The following NFASC variants were observed in gnomAD, a reference collection of about 807,000 sequenced individuals.
The protein encoded by NFASC is neurofascin homolog.
NFASC carries 43 observed loss-of-function variants against 147.5 expected under a neutral mutation model. The ratio of observed to expected loss-of-function variants is 0.29; its 90% CI spans 0.23 to 0.38. NFASC has a LOEUF of 0.38. Ranked by LOEUF, NFASC falls within the 10% of genes least tolerant of loss-of-function variation. The pLI is 1.00. For missense variants in NFASC, 1,320 were observed against 1,689.0 expected (o/e 0.78, Z 3.83); for synonymous variants, 622 against 665.5 (o/e 0.93, Z 1.01).
intron 21 of NFASC, among the ~76,000 whole-genome samples, chr1:204,984,774 C>T (rs138199396): frequency 6.6e-6 from 1 of 152,130 alleles, no homozygotes; most frequent in Non-Finnish European, 1.5e-5. Context: ...TATCATCCAT[C>T]CTCTTCAAAA....
intron 1 of NFASC, among the ~76,000 whole-genome samples, chr1:204,911,132 G>T (rs1042468994): frequency 6.6e-6 from 1 of 151,730 alleles, no homozygotes; most frequent in African/African-American, 2.4e-5. Context: ...CTTTTTCTGG[G>T]TTTTAAAAAA....
chr1:204,890,086 T>C (rs770930471), intron 1 of NFASC, among the ~76,000 whole-genome samples: 2 of 152,208 alleles, frequency 1.3e-5, no homozygotes, highest in Non-Finnish European at 2.9e-5. Flanking sequence ...TGCCATCTGC[T>C]TAGGGTGAGG....
In NFASC at chr1:204,976,759, G is replaced by C; in HGVS notation, c.1795G>C (p.Asp599His). The change falls in exon 16 of 30, where the codon GAC becomes CAC. Residue 599 changes from aspartate (D) to histidine (H), a missense_variant. Physicochemically the swap from Asp to His is moderately conservative, Grantham distance 81. Transcript: ENST00000339876. ...SYTCVASTELDQDLAKAYLTV... is the reference protein window; with the variant it reads ...SYTCVASTELHQDLAKAYLTV... Reference sequence around the variant, plus strand: ...CACGTGTGTCGCCAGCACCGAGCTAGACCAAGACCTGGCCAAGGCCTACCT... The same window carrying C: ...CACGTGTGTCGCCAGCACCGAGCTACACCAAGACCTGGCCAAGGCCTACCT... 1 of 1,614,076 alleles carries C rather than the reference G, an allele frequency of 6.2e-7. No individual in the cohort carries two copies. Among genetic ancestry groups the C allele is most frequent in the South Asian group, 1.1e-5 (1 of 91,064 alleles).
intron 1 of NFASC, among the ~76,000 whole-genome samples, chr1:204,878,405 C>T (rs1476198917): frequency 6.6e-6 from 1 of 152,216 alleles, no homozygotes. Flanking sequence ...ATTACTTTTG[C>T]ACTAACTTAA....
At chr1:204,919,751 C>G (rs898110146) in intron 1 of NFASC, among the ~76,000 whole-genome samples, 15 of 152,100 alleles carry the variant, frequency 9.9e-5, no homozygotes, top group Admixed American at 6.5e-4. Context: ...GCCTCAGCCT[C>G]CCGACTAGCT....
At chr1:204,982,516 C>T (rs1366155385) in intron 21 of NFASC, among the ~76,000 whole-genome samples, 1 of 152,216 alleles carries the variant, frequency 6.6e-6, no homozygotes, top group Non-Finnish European at 1.5e-5. Context: ...TCCTCAGCAA[C>T]CAGACAGGAG....
chr1:204,963,544 C>T (rs1465225081), intron 8 of NFASC, among the ~76,000 whole-genome samples: 1 of 152,212 alleles, frequency 6.6e-6, no homozygotes, highest in African/African-American at 2.4e-5. Context: ...ATTCCAGTCA[C>T]TTAAACCAGT....
chr1:204,978,034 T>C (rs557699623), intron 17 of NFASC, among the ~76,000 whole-genome samples: 1 of 152,352 alleles, frequency 6.6e-6, no homozygotes, highest in South Asian at 2.1e-4. Flanking sequence ...AGGTCCTGTT[T>C]GCAGGGAATG....
At chr1:204,875,937 A>G (rs67722488) in intron 1 of NFASC, among the ~76,000 whole-genome samples, 24,968 of 152,066 alleles carry the variant, frequency 0.16, 2,946 homozygotes, top group East Asian at 0.47. Context: ...TTGGTGGGGA[A>G]AAGTGGAAGG....
At chr1:204,855,242 G>A (rs1445485998) in intron 1 of NFASC, among the ~76,000 whole-genome samples, 1 of 152,218 alleles carries the variant, frequency 6.6e-6, no homozygotes, top group Admixed American at 6.5e-5. Flanking sequence ...TAGTTTGGAA[G>A]CAAGGTTTAC....
chr1:204,952,754 GC>G (rs2094199284), intron 5 of NFASC, among the ~76,000 whole-genome samples: 1 of 152,140 alleles, frequency 6.6e-6, no homozygotes, highest in South Asian at 2.1e-4. Flanking sequence ...GTTATTATCT[GC>G]CCCCATCCCC....
rs887556341 is a variant in NFASC, at chr1:205,016,892, T to C, written c.*353T>C. ...CCTTTTCTGTTGGTTACGGGACTTCTCATTGTCTTAATTTCGCTTTGTGCA... is the reference window on the plus strand; with the variant it reads ...CCTTTTCTGTTGGTTACGGGACTTCCCATTGTCTTAATTTCGCTTTGTGCA... On this transcript the variant is annotated 3_prime_UTR_variant, in exon 30 of 30. Transcript: ENST00000339876. The surrounding 1 kb of genome is among the most constrained non-coding windows in gnomAD (Gnocchi z 5.1). The C allele has an allele frequency of 8.0e-6, 3 of 374,232 alleles. No homozygotes were observed. The highest frequency in any genetic ancestry group is 2.1e-5 in the African/African-American group (1 of 48,000). The allele number at this position is 374,232 out of a possible 1,614,324, so 23.2% of individuals were successfully genotyped here. A position where few individuals can be genotyped will look rare whatever the true frequency, so the allele number is the denominator to read the frequency against.
intron 1 of NFASC, among the ~76,000 whole-genome samples, chr1:204,858,913 C>G (rs12043259): frequency 0.11 from 17,251 of 152,064 alleles, 1,517 homozygotes; most frequent in East Asian, 0.45. Flanking sequence ...ACGGGGCACT[C>G]CTTTATCTCA....
At chr1:204,991,223 C>A in intron 23 of NFASC, 69 bp from the exon 24 acceptor site, 1 of 1,550,916 alleles carries the variant, frequency 6.4e-7, no homozygotes, top group Non-Finnish European at 8.8e-7. Context: ...CTCACTTGTG[C>A]TCTGTTTTCT....
At chr1:204,914,530 CT>C (rs2088649976) in intron 1 of NFASC, among the ~76,000 whole-genome samples, 1 of 152,200 alleles carries the variant, frequency 6.6e-6, no homozygotes, top group Non-Finnish European at 1.5e-5. Context: ...AACCTCTTTC[CT>C]TTAGAAATTA....
At chr1:204,943,206 A>C (rs1255948184) in intron 2 of NFASC, among the ~76,000 whole-genome samples, 1 of 152,234 alleles carries the variant, frequency 6.6e-6, no homozygotes, top group Non-Finnish European at 1.5e-5. Flanking sequence ...GTAGAATAAC[A>C]AACTGGACCA....
intron 1 of NFASC, among the ~76,000 whole-genome samples, chr1:204,913,100 A>C (rs2078505): frequency 0.43 from 66,080 of 152,000 alleles, 14,796 homozygotes; most frequent in Admixed American, 0.55. Flanking sequence ...AGTATGCAAT[A>C]ATTATTTAAA....
chr1:204,849,253 T>C (rs2102642824), intron 1 of NFASC, among the ~76,000 whole-genome samples: 1 of 152,344 alleles, frequency 6.6e-6, no homozygotes, highest in South Asian at 2.1e-4. Context: ...TTATGTGAAG[T>C]GCTCACAAGA....
At chr1:204,944,506 A>G (rs2149799563) in intron 3 of NFASC, 100 bp downstream of exon 3, 1 of 928,858 alleles carries the variant, frequency 1.1e-6, no homozygotes, top group Non-Finnish European at 1.6e-6. Context: ...ATCCAAGGAG[A>G]TTGAGGAGAG....
Sources: allele counts gnomAD v4.1 joint callset (sites outside exome capture counted in the v4.1 genomes callset), GRCh38; gene constraint gnomAD v4.1.1; non-coding constraint Gnocchi (gnomAD v3.1); transcripts MANE v1.5; gene names NCBI Gene and HGNC (gene_info 2026-07-23, HGNC 2026-07-21).